The following KIF20B variants were observed in gnomAD, a reference collection of about 807,000 sequenced individuals.
The protein encoded by KIF20B is kinesin-like protein KIF20B.
A neutral mutation model predicts 232.5 loss-of-function variants in KIF20B; 188 were observed. The observed-to-expected ratio is 0.81, with a 90% CI of 0.72 to 0.91. The LOEUF (loss-of-function observed/expected upper bound fraction) is 0.91, where lower values mean the gene tolerates loss of function less well. Among genes scored for constraint, KIF20B ranks in the 40% least tolerant of loss-of-function variants. The pLI, the probability that KIF20B is intolerant of heterozygous loss-of-function variation, is 0.00. For missense variants in KIF20B, 2,154 were observed against 2,055.9 expected (o/e 1.05, Z -0.92); for synonymous variants, 712 against 683.0 (o/e 1.04, Z -0.66).
chr10:89,757,058 A>G (rs1589879711), intron 26 of KIF20B, among the ~76,000 whole-genome samples: 1 of 135,924 alleles, frequency 7.4e-6, no homozygotes, highest in Non-Finnish European at 1.5e-5. Context: ...ATATATATAT[A>G]TATATATATA....
At chr10:89,760,686 T>A (rs763983577) in intron 28 of KIF20B, 50 bp downstream of exon 28, 22 of 1,096,238 alleles carry the variant, frequency 2.0e-5, no homozygotes, top group South Asian at 1.2e-4. Flanking sequence ...TATCCACTAT[T>A]ACTAAATAAC....
At position 89,738,853 on chromosome 10, in the gene KIF20B, A is replaced by C. The variant is rs1218063333; in HGVS notation, c.3777-105A>C. On this transcript the variant is annotated intron_variant, in intron 20 of 32. Coordinates refer to ENST00000371728, the MANE Select transcript of KIF20B (RefSeq NM_001284259.2). ...ACTCATTCATAGTTTGGATATTCCA[A>C]ATTTGTGAAAAGATATAATTTTGTA... 11 of 1,346,476 alleles carry C rather than the reference A, an allele frequency of 8.2e-6. No homozygotes were observed. In the Admixed American group the frequency reaches 2.5e-4, roughly 31 times the overall value. The allele number at this position is 1,346,476 out of a possible 1,614,324, so 83.4% of individuals were successfully genotyped here.
intron 17 of KIF20B, among the ~76,000 whole-genome samples, 175 bp from the exon 18 acceptor site, chr10:89,728,953 A>ATGT (rs1843257132): frequency 8.6e-6 from 1 of 116,172 alleles, no homozygotes; most frequent in African/African-American, 3.1e-5. Context: ...GTGTGTATGT[A>ATGT]ATTTTTTTAA....
chr10:89,765,116 G>T (rs918846915), intron 29 of KIF20B, among the ~76,000 whole-genome samples: 8 of 151,626 alleles, frequency 5.3e-5, no homozygotes, highest in Admixed American at 1.3e-4. Flanking sequence ...TCTACATATG[G>T]CTAGCCAGTT....
At chr10:89,745,995 G>A in intron 23 of KIF20B, 36 bp downstream of exon 23, 1 of 1,507,268 alleles carries the variant, frequency 6.6e-7, no homozygotes, top group South Asian at 1.1e-5. Flanking sequence ...AACCAGAAAA[G>A]TTCTCTTATT....
At position 89,729,951 on chromosome 10, in the gene KIF20B, T is replaced by G. The variant is rs549504268; in HGVS notation, c.2391+704T>G. 1.0e-3 allele frequency among the ~76,000 whole-genome samples: 158 copies of G among 152,250 alleles called. 2 individuals are homozygous for G. The highest frequency in any genetic ancestry group is 5.9e-5 in the Non-Finnish European group (4 of 67,996). ...TAAACTTAGAGCCAAACATCTTGCT[T>G]TGTTGAAAGGTGCTTTTTTATGTCT... On this transcript the variant is annotated intron_variant, in intron 18 of 32. Coordinates refer to ENST00000371728, the MANE Select transcript of KIF20B (RefSeq NM_001284259.2).
intron 13 of KIF20B, 72 bp downstream of exon 13, chr10:89,719,778 C>G: frequency 7.9e-7 from 1 of 1,269,916 alleles, no homozygotes; most frequent in Non-Finnish European, 1.1e-6. Context: ...TTAAGGCTCT[C>G]TCTCTTCAGT....
chr10:89,768,876 C>A lies in KIF20B; in HGVS notation c.5230C>A (p.Leu1744Ile). ...GDFLQHSPSILQSKAKKIIET... is the reference protein window; with the variant it reads ...GDFLQHSPSIIQSKAKKIIET... Reference sequence around the variant, plus strand: ...CTTCTTACAACATTCTCCCTCAATTCTTCAATCAAAAGGTTTGCAGAAAAT... The same window carrying A: ...CTTCTTACAACATTCTCCCTCAATTATTCAATCAAAAGGTTTGCAGAAAAT... The change falls in exon 31 of 33, where the codon CTT (leucine) becomes ATT (isoleucine). Residue 1744 changes from leucine (L) to isoleucine (I), a missense_variant. Transcript: ENST00000371728. 11 of 1,591,766 alleles carry A rather than the reference C, an allele frequency of 6.9e-6. No homozygotes were observed. Among genetic ancestry groups the A allele is most frequent in the Non-Finnish European group, 9.4e-6 (11 of 1,173,542 alleles).
At chr10:89,763,818 A>G (rs976888643) in intron 29 of KIF20B, among the ~76,000 whole-genome samples, 1 of 149,750 alleles carries the variant, frequency 6.7e-6, no homozygotes, top group African/African-American at 2.4e-5. Flanking sequence ...ATTTATTAAT[A>G]TAACTATTAT....
chr10:89,755,139 A>G (rs551190742), intron 26 of KIF20B, among the ~76,000 whole-genome samples: 157 of 152,238 alleles, frequency 1.0e-3, no homozygotes, highest in African/African-American at 3.6e-3. Context: ...CTTTTTTTCT[A>G]ATTGGCACTT....
chr10:89,740,259 T>TA, intron 21 of KIF20B, among the ~76,000 whole-genome samples: 2 of 150,126 alleles, frequency 1.3e-5, no homozygotes, highest in Non-Finnish European at 3.0e-5. Flanking sequence ...TTAAAGTATG[T>TA]AGTTTTTATT....
In KIF20B at chr10:89,709,153, C is replaced by G. The variant is rs1842786780; in HGVS notation, c.148-14C>G. 1.3e-6 allele frequency: 2 copies of G among 1,575,608 alleles called. No homozygotes were observed. Among genetic ancestry groups the G allele is most frequent in the African/African-American group, 2.7e-5 (2 of 73,988 alleles). On this transcript the variant is annotated splice_polypyrimidine_tract_variant and intron_variant, in intron 2 of 32. Coordinates refer to ENST00000371728, the MANE Select transcript of KIF20B (RefSeq NM_001284259.2). ...CTTTCAAAAACACAATGTTTTTCTC[C>G]TTTATTTTTTAAGGCAAACAGTTTC... is the stretch of plus-strand genomic sequence containing the variant.
Position 89,714,946 on chromosome 10 carries a change from T to C in KIF20B, c.713-9T>C. ...TCGTGATTGTTTTTTCTTTTTCTTT[T>C]TTTTGTAGGAAGTTTAACTAACTCT... On this transcript the variant is annotated splice_polypyrimidine_tract_variant and intron_variant, in intron 7 of 32. Transcript: ENST00000371728. The C allele has an allele frequency of 6.8e-7, 1 of 1,480,186 alleles. No homozygotes were observed. Among genetic ancestry groups the C allele is most frequent in the Non-Finnish European group, 9.2e-7 (1 of 1,084,652 alleles). 91.7% of individuals were successfully genotyped at this position (1,480,186 alleles called of 1,614,324 possible).
intron 19 of KIF20B, among the ~76,000 whole-genome samples, chr10:89,734,514 C>T (rs1318417568): frequency 6.6e-6 from 1 of 152,134 alleles, no homozygotes; most frequent in African/African-American, 2.4e-5. Context: ...ACCTGAGGGA[C>T]CTTTCATAAA....
rs1157578059 is a variant in KIF20B at position 89,768,391 on chromosome 10, G to A, written c.5091G>A (p.Lys1697=). ...ATTCTTCTGTCAAAAAGGAACAAAA[G>A]GTGTGTCTTTTAATTTGTCCAAAAT... ...DRNSSVKKEQ[K]VAIRPSSKKT... The change falls in exon 30 of 33, where the codon AAG becomes AAA. Residue 1697 remains lysine (K), a splice_region_variant and synonymous_variant. Transcript: ENST00000371728. 1 of 1,526,006 alleles carries A rather than the reference G, an allele frequency of 6.6e-7. No homozygotes were observed. The highest frequency in any genetic ancestry group is 2.0e-5 in the Admixed American group (1 of 51,090). 94.5% of individuals were successfully genotyped at this position (1,526,006 alleles called of 1,614,324 possible). A position where few individuals can be genotyped will look rare whatever the true frequency, so the allele number is the denominator to read the frequency against.
At chr10:89,764,151 G>GT (rs1338189442) in intron 29 of KIF20B, among the ~76,000 whole-genome samples, 2 of 149,162 alleles carry the variant, frequency 1.3e-5, no homozygotes, top group Non-Finnish European at 1.5e-5. Context: ...GCGGTGTTTG[G>GT]TTTTTTGTCC....
rs984984622 is a variant in KIF20B at position 89,712,853 on chromosome 10, T to C, written c.676-1194T>C. ...AAACTACTAATTGTTTTTGTAAATA[T>C]TTTTACCCTATTATTATTAATGCAA... is the stretch of plus-strand genomic sequence containing the variant. On this transcript the variant is annotated intron_variant, in intron 6 of 32. Transcript: ENST00000371728. Among the ~76,000 whole-genome samples, 6 of 152,342 alleles carry C rather than the reference T, an allele frequency of 3.9e-5. No individual in the cohort carries two copies. In the East Asian group the frequency reaches 9.6e-4, roughly 24 times the overall value.
At position 89,737,618 on chromosome 10, in the gene KIF20B, ATTTAAC is replaced by A. The variant is rs767802544; in HGVS notation, c.2783_2788del (p.Thr928_Leu929del). 768 of 1,606,582 alleles carry A rather than the reference ATTTAAC, an allele frequency of 4.8e-4. 1 individual carries two copies. Among genetic ancestry groups the A allele is most frequent in the African/African-American group, 8.2e-4 (61 of 74,634 alleles). On this transcript the variant is annotated inframe_deletion, in exon 20 of 33. Coordinates refer to ENST00000371728, the MANE Select transcript of KIF20B (RefSeq NM_001284259.2). ...GAACTTTCTCTTTCTGAAAAAAAGA[ATTTAAC>A]TTTAAGTAAAGAGGTCCAACAAATT...
At chr10:89,710,288 C>A (rs1377844616) in intron 5 of KIF20B, among the ~76,000 whole-genome samples, 1 of 146,984 alleles carries the variant, frequency 6.8e-6, no homozygotes, top group Non-Finnish European at 1.5e-5. Flanking sequence ...GTGGTGTGAT[C>A]TCAGCTCACT....
Sources: gnomAD v4.1 joint callset for allele counts (sites outside exome capture counted in the v4.1 genomes callset) on GRCh38, gnomAD v4.1.1 for gene constraint, MANE v1.5 for transcripts, NCBI Gene and HGNC (gene_info 2026-07-23, HGNC 2026-07-21) for gene names.